The following SPOCK1 variants were observed in gnomAD, a reference collection of about 807,000 sequenced individuals.
SPOCK1 encodes SPARC (osteonectin), cwcv and kazal like domains proteoglycan 1.
A neutral mutation model predicts 55.3 loss-of-function variants in SPOCK1; 23 were observed. The ratio of observed to expected loss-of-function variants is 0.42; its 90% CI spans 0.30 to 0.59. SPOCK1 has a LOEUF of 0.59. Among genes scored for constraint, SPOCK1 ranks in the 20% least tolerant of loss-of-function variants. The pLI, the probability that SPOCK1 is intolerant of heterozygous loss-of-function variation, is 0.22. For synonymous variants in SPOCK1, 226 were observed against 221.0 expected (o/e 1.02, Z -0.20); for missense variants, 499 against 552.5 (o/e 0.90, Z 0.97).
At chr5:137,149,262 C>A (rs953702086) in intron 3 of SPOCK1, among the ~76,000 whole-genome samples, 1 of 152,132 alleles carries the variant, frequency 6.6e-6, no homozygotes, top group East Asian at 1.9e-4. Context: ...TGGGACAGGG[C>A]AGTGTAGGCA....
chr5:137,038,654 A>G (rs960258731), intron 6 of SPOCK1, among the ~76,000 whole-genome samples: 1 of 152,180 alleles, frequency 6.6e-6, no homozygotes. Context: ...TTTTATAGAA[A>G]TATATTTTTT....
At chr5:137,117,249 G>T (rs1246892117) in intron 4 of SPOCK1, among the ~76,000 whole-genome samples, 2 of 152,168 alleles carry the variant, frequency 1.3e-5, no homozygotes, top group Non-Finnish European at 2.9e-5. Context: ...GCAAATTCAA[G>T]TCTATAGGAC....
intron 3 of SPOCK1, among the ~76,000 whole-genome samples, chr5:137,177,923 G>A (rs1313089226): frequency 6.6e-6 from 1 of 152,084 alleles, no homozygotes; most frequent in Non-Finnish European, 1.5e-5. Context: ...CTAAATAGAG[G>A]CAGTATAGCT....
chr5:137,140,368 A>G (rs1344243155), intron 4 of SPOCK1, among the ~76,000 whole-genome samples: 1 of 152,206 alleles, frequency 6.6e-6, no homozygotes, highest in African/African-American at 2.4e-5. Context: ...AAGTAGATTT[A>G]AAGGAAATAA....
chr5:136,977,290 G>A lies in SPOCK1; in HGVS notation c.*1364C>T, dbSNP rs1375258749. The A allele has an allele frequency of 6.6e-6, 1 of 151,860 alleles. No individual in the cohort carries two copies. The highest frequency in any genetic ancestry group is 1.5e-5 in the Non-Finnish European group (1 of 68,056). 9.4% of individuals were successfully genotyped at this position (151,860 alleles called of 1,614,324 possible). On this transcript the variant is annotated 3_prime_UTR_variant, in exon 11 of 11. Coordinates refer to ENST00000394945, the MANE Select transcript of SPOCK1 (RefSeq NM_004598.4). ...GTTTAGTTAAAACAAACACTATGGT[G>A]AAGAACTTTCTTCATTAGTATCTTG...
At chr5:137,299,579 T>C (rs1333247430) in intron 2 of SPOCK1, among the ~76,000 whole-genome samples, 1 of 152,088 alleles carries the variant, frequency 6.6e-6, no homozygotes, top group Non-Finnish European at 1.5e-5. Flanking sequence ...TCATACAGTA[T>C]AGTTTTGCTG....
At chr5:137,152,389 C>CATGCTAATATAATATATTT (rs1754334317) in intron 3 of SPOCK1, among the ~76,000 whole-genome samples, 1 of 152,192 alleles carries the variant, frequency 6.6e-6, no homozygotes, top group African/African-American at 2.4e-5. Flanking sequence ...TAAGGGCTAT[C>CATGCTAATATAATATATTT]ATGCTAATAT....
At chr5:137,433,145 C>G (rs887776039) in intron 2 of SPOCK1, among the ~76,000 whole-genome samples, 1 of 152,150 alleles carries the variant, frequency 6.6e-6, no homozygotes, top group African/African-American at 2.4e-5. Flanking sequence ...CTGCTTCTGG[C>G]TTTGGGGTTT....
chr5:137,341,654 C>T (rs1264358969), intron 2 of SPOCK1, among the ~76,000 whole-genome samples: 1 of 152,158 alleles, frequency 6.6e-6, no homozygotes, highest in Non-Finnish European at 1.5e-5. Flanking sequence ...GTGTCAGGCA[C>T]TGTGGTAGAC....
At position 137,233,116 on chromosome 5, in the gene SPOCK1, T is replaced by A. The variant is rs140050867; in HGVS notation, c.232+33894A>T. 1.1e-3 allele frequency among the ~76,000 whole-genome samples: 166 copies of A among 152,340 alleles called. 4 individuals are homozygous for A. In the Middle Eastern group the frequency reaches 0.014, roughly 12 times the overall value. ...CACCCTTTTTGGCACCAGGGACTTG[T>A]TTCATAGAAGACAGTTTTTCCATGG... On this transcript the variant is annotated intron_variant, in intron 3 of 10. Transcript: ENST00000394945.
chr5:137,039,454 T>C (rs988775710), intron 6 of SPOCK1, among the ~76,000 whole-genome samples: 1 of 152,156 alleles, frequency 6.6e-6, no homozygotes, highest in Non-Finnish European at 1.5e-5. Context: ...GAATTTCAGT[T>C]ACTACTTTTC....
At chr5:136,983,479 T>TATCA (rs1341461128) in intron 9 of SPOCK1, among the ~76,000 whole-genome samples, 9 of 152,204 alleles carry the variant, frequency 5.9e-5, no homozygotes, top group African/African-American at 1.7e-4. Flanking sequence ...CATTGCATGC[T>TATCA]ATCAGTTTTC....
intron 2 of SPOCK1, among the ~76,000 whole-genome samples, chr5:137,419,787 C>T (rs1325007808): frequency 6.6e-6 from 1 of 152,172 alleles, no homozygotes; most frequent in Admixed American, 6.5e-5. Context: ...ATTGATTACC[C>T]TTTATTTCCT....
chr5:137,335,886 C>T (rs1369799916), intron 2 of SPOCK1, among the ~76,000 whole-genome samples: 1 of 152,222 alleles, frequency 6.6e-6, no homozygotes, highest in Non-Finnish European at 1.5e-5. Context: ...CGGTGCCCAT[C>T]GCCAATCTAG....
At chr5:137,021,573 T>C (rs1404065423) in intron 6 of SPOCK1, among the ~76,000 whole-genome samples, 2 of 152,222 alleles carry the variant, frequency 1.3e-5, no homozygotes, top group African/African-American at 2.4e-5. Context: ...TTAAATAAAA[T>C]TCTAACAAAT....
At chr5:137,456,258 G>A (rs73302513) in intron 2 of SPOCK1, among the ~76,000 whole-genome samples, 8,664 of 152,174 alleles carry the variant, frequency 0.057, 421 homozygotes, top group African/African-American at 0.13. Context: ...ATTCCTGCTC[G>A]ATCCAGTGCT....
intron 2 of SPOCK1, among the ~76,000 whole-genome samples, chr5:137,289,105 A>G (rs1365779843): frequency 6.6e-6 from 1 of 152,180 alleles, no homozygotes; most frequent in Non-Finnish European, 1.5e-5. Flanking sequence ...CACTTATCCA[A>G]TCTATGAAAT....
At chr5:137,373,412 C>A (rs964669029) in intron 2 of SPOCK1, among the ~76,000 whole-genome samples, 1 of 152,162 alleles carries the variant, frequency 6.6e-6, no homozygotes, top group Non-Finnish European at 1.5e-5. Context: ...TGATTCAAGA[C>A]CTCTGTCAGA....
intron 2 of SPOCK1, among the ~76,000 whole-genome samples, chr5:137,275,217 C>A (rs140431159): frequency 5.8e-4 from 88 of 152,352 alleles, no homozygotes; most frequent in African/African-American, 1.9e-3. Context: ...TGGCCTGAGG[C>A]CCAGCCTTGT....
Sources: gnomAD v4.1 joint callset for allele counts (sites outside exome capture counted in the v4.1 genomes callset) on GRCh38, gnomAD v4.1.1 for gene constraint, MANE v1.5 for transcripts, NCBI Gene and HGNC (gene_info 2026-07-23, HGNC 2026-07-21) for gene names.